Variants in DOK6 observed in about 807,000 individuals in gnomAD.
The protein encoded by DOK6 is docking protein 6.
A neutral mutation model predicts 44.0 loss-of-function variants in DOK6; 22 were observed. The observed-to-expected ratio is 0.50, with a 90% CI of 0.36 to 0.71. The LOEUF (loss-of-function observed/expected upper bound fraction) is 0.71, where lower values mean the gene tolerates loss of function less well. Among genes scored for constraint, DOK6 ranks in the 30% least tolerant of loss-of-function variants. The probability of loss-of-function intolerance (pLI) is 0.00; values close to 1 mark genes in which losing one functional copy is unlikely to be tolerated. For synonymous variants in DOK6, 166 were observed against 145.5 expected, an observed-to-expected ratio of 1.14 and a Z score of -1.01; for missense variants, 340 against 416.4, an observed-to-expected ratio of 0.82 and a Z score of 1.60.
chr18:69,672,721 G>GT (rs1985834648), intron 3 of DOK6, among the ~76,000 whole-genome samples: 1 of 148,244 alleles, frequency 6.7e-6, no homozygotes, highest in South Asian at 2.1e-4. Flanking sequence ...GGGGGTGGGG[G>GT]CGGTGGGGAA....
At chr18:69,526,557 G>A (rs1394662245) in intron 1 of DOK6, among the ~76,000 whole-genome samples, 1 of 152,090 alleles carries the variant, frequency 6.6e-6, no homozygotes, top group Non-Finnish European at 1.5e-5. Flanking sequence ...AAACATTCAT[G>A]TACAAGTTTT....
chr18:69,772,160 A>T (rs1290821048), intron 7 of DOK6, among the ~76,000 whole-genome samples: 1 of 151,898 alleles, frequency 6.6e-6, no homozygotes, highest in Non-Finnish European at 1.5e-5. Flanking sequence ...ACAGAATGAG[A>T]CTCCATCTCT....
chr18:69,572,750 A>G (rs969694080), intron 2 of DOK6, among the ~76,000 whole-genome samples: 2 of 152,038 alleles, frequency 1.3e-5, no homozygotes, highest in African/African-American at 4.8e-5. Flanking sequence ...TATAAAGATG[A>G]GCAAATGGTA....
intron 1 of DOK6, among the ~76,000 whole-genome samples, chr18:69,521,677 A>C (rs1981691137): frequency 6.6e-6 from 1 of 151,950 alleles, no homozygotes; most frequent in African/African-American, 2.4e-5. Flanking sequence ...ATATCTGTCC[A>C]TTATTTGCAC....
chr18:69,465,086 T>C (rs1979887475), intron 1 of DOK6, among the ~76,000 whole-genome samples: 1 of 152,180 alleles, frequency 6.6e-6, no homozygotes, highest in South Asian at 2.1e-4. Flanking sequence ...TTTAACCCAA[T>C]AATGGGGGAA....
At position 69,807,252 on chromosome 18, in the gene DOK6, G is replaced by A. The variant is rs978265339; in HGVS notation, c.857-33992G>A. Among the ~76,000 whole-genome samples the A allele has an allele frequency of 2.0e-5, 3 of 151,818 alleles. No individual in the cohort carries two copies. The East Asian group carries it at 5.8e-4, about 29-fold the overall frequency. ...TATAACTATAAGATGTTTCCTATAA[G>A]CCTCACAGTAACCATAAAGCAAAAA... On this transcript the variant is annotated intron_variant, in intron 7 of 7. Transcript: ENST00000382713.
At chr18:69,677,250 ATATT>A (rs1985942556) in intron 3 of DOK6, among the ~76,000 whole-genome samples, 1 of 151,792 alleles carries the variant, frequency 6.6e-6, no homozygotes, top group Non-Finnish European at 1.5e-5. Context: ...TTACACTTAT[ATATT>A]TATTTTCTAT....
intron 2 of DOK6, among the ~76,000 whole-genome samples, chr18:69,593,442 A>G (rs756818254): frequency 2.0e-5 from 3 of 152,066 alleles, no homozygotes; most frequent in Non-Finnish European, 4.4e-5. Flanking sequence ...CTTTTCTGGT[A>G]TCTGTTTAAT....
intron 4 of DOK6, among the ~76,000 whole-genome samples, chr18:69,685,682 G>A (rs146854529): frequency 1.3e-3 from 201 of 152,162 alleles, no homozygotes; most frequent in South Asian, 8.9e-3. Context: ...AAATTTGGGG[G>A]TAATGTACTG....
intron 1 of DOK6, among the ~76,000 whole-genome samples, chr18:69,531,079 C>T (rs1030344070): frequency 5.7e-4 from 86 of 151,582 alleles, no homozygotes; most frequent in Middle Eastern, 3.4e-3. Context: ...GGATTACAAC[C>T]CCTGCCTTTT....
rs193013203 is a variant in DOK6, at chr18:69,811,278, T to C, written c.857-29966T>C. ...AAGTTGAACCCACAGAAGCATAGAG[T>C]CCAGTGGTGGTTACTAGAGGCTGGT... On this transcript the variant is annotated intron_variant, in intron 7 of 7. Transcript: ENST00000382713. 2.6e-4 allele frequency among the ~76,000 whole-genome samples: 40 copies of C among 151,614 alleles called. 1 individual carries two copies. Among genetic ancestry groups the C allele is most frequent in the Admixed American group, 2.1e-3 (32 of 15,174 alleles).
rs185663760 is a variant in DOK6 at position 69,684,321 on chromosome 18, T to C, written c.409+6468T>C. 3.9e-5 allele frequency among the ~76,000 whole-genome samples: 6 copies of C among 152,306 alleles called. No individual in the cohort carries two copies. In the East Asian group the frequency reaches 1.2e-3, roughly 29 times the overall value. ...AAAAGATGTTTTGTAGTGCTTCTCT[T>C]CTCACAATGTCAAATCTAAATGATC... On this transcript the variant is annotated intron_variant, in intron 4 of 7. Transcript: ENST00000382713.
At chr18:69,592,039 T>C (rs978183254) in intron 2 of DOK6, among the ~76,000 whole-genome samples, 1 of 152,072 alleles carries the variant, frequency 6.6e-6, no homozygotes, top group African/African-American at 2.4e-5. Context: ...CTTCGTACTA[T>C]TTGGGAATTA....
At position 69,599,449 on chromosome 18, in the gene DOK6, G is replaced by A. The variant is rs2144622209; in HGVS notation, c.240G>A (p.Val80=). Residue 80 remains valine, a synonymous_variant, in exon 3 of 8, where the codon GTG becomes GTA. Transcript: ENST00000382713. ...RLPRETKKHA[V]AIIFHDETSK... ...CCCGAGAGACAAAGAAGCATGCGGT[G>A]GCAATCATCTTTCACGATGAAACAT... The A allele has an allele frequency of 6.2e-7, 1 of 1,613,954 alleles. No individual in the cohort carries two copies. Among genetic ancestry groups the A allele is most frequent in the South Asian group, 1.1e-5 (1 of 91,062 alleles).
At position 69,701,525 on chromosome 18, in the gene DOK6, T is replaced by G. The variant is rs148335144; in HGVS notation, c.599+2932T>G. ...CTGCTGACTTGACATTTTTACTTCA[T>G]GTTACCTCATAAATATTGTAAGCAA... On this transcript the variant is annotated intron_variant, in intron 5 of 7. Transcript: ENST00000382713. Among the ~76,000 whole-genome samples the G allele has an allele frequency of 5.8e-3, 885 of 152,340 alleles. 5 individuals are homozygous for G. The highest frequency in any genetic ancestry group is 0.01 in the Non-Finnish European group (691 of 68,034).
At chr18:69,704,475 CTTTTTT>C (rs10685670) in intron 5 of DOK6, among the ~76,000 whole-genome samples, 2 of 107,168 alleles carry the variant, frequency 1.9e-5, no homozygotes, top group South Asian at 3.3e-4. Context: ...CCAGATATGA[CTTTTTT>C]TTTTTTTTTT....
intron 3 of DOK6, among the ~76,000 whole-genome samples, chr18:69,605,680 A>T (rs971524782): frequency 2.0e-5 from 3 of 152,160 alleles, no homozygotes; most frequent in African/African-American, 2.4e-5. Context: ...AGTATTTCAC[A>T]ATATTCAAAG....
chr18:69,814,044 CAGA>C (rs1168751848), intron 7 of DOK6, among the ~76,000 whole-genome samples: 3 of 151,764 alleles, frequency 2.0e-5, no homozygotes, highest in Admixed American at 1.3e-4. Flanking sequence ...GAGACACCAG[CAGA>C]AGAAGGCCAG....
chr18:69,565,515 GTGTGTGTATA>G (rs1437881809), intron 2 of DOK6, among the ~76,000 whole-genome samples: 15 of 9,272 alleles, frequency 1.6e-3, no homozygotes, highest in Middle Eastern at 0.071. Context: ...GTGTGTGTGT[GTGTGTGTATA>G]TATATATACA....
Sources: allele counts gnomAD v4.1 joint callset (sites outside exome capture counted in the v4.1 genomes callset), GRCh38; gene constraint gnomAD v4.1.1; transcripts MANE v1.5; gene names NCBI Gene and HGNC (gene_info 2026-07-23, HGNC 2026-07-21).